Variants in MASP1 observed in about 807,000 individuals in gnomAD.
MASP1 encodes the protein mannan-binding lectin serine protease 1.
Under a neutral mutation model 77.1 loss-of-function variants are expected in MASP1, and 59 were observed. That is an observed-to-expected ratio of 0.77 (90% CI 0.62 to 0.95). The LOEUF (loss-of-function observed/expected upper bound fraction) is 0.95, where lower values mean the gene tolerates loss of function less well. Ranked by LOEUF, MASP1 falls within the 40% of genes least tolerant of loss-of-function variation. The probability of loss-of-function intolerance (pLI) is 0.00; values close to 1 mark genes in which losing one functional copy is unlikely to be tolerated. For missense variants in MASP1, 885 were observed against 912.9 expected (o/e 0.97, Z 0.39); for synonymous variants, 362 against 354.5 (o/e 1.02, Z -0.24).
chr3:187,285,129 AAAG>A (rs557814246), intron 2 of MASP1, among the ~76,000 whole-genome samples: 88 of 145,644 alleles, frequency 6.0e-4, no homozygotes, highest in South Asian at 3.2e-3. Context: ...CCTCACTTTA[AAAG>A]AAGAACAGCT....
In MASP1 at chr3:187,235,210, G is replaced by T. The variant is rs1338665742; in HGVS notation, c.*474C>A. The T allele has an allele frequency of 1.1e-5, 14 of 1,288,504 alleles. No individual in the cohort carries two copies. Among genetic ancestry groups the T allele is most frequent in the Non-Finnish European group, 1.3e-5 (13 of 989,698 alleles). 79.8% of individuals were successfully genotyped at this position (1,288,504 alleles called of 1,614,324 possible). ...CTCCTAGAGGAAGGATTAGGCCAAG[G>T]CTAGTCCCAGAAGGCAGAGCAGGAA... On this transcript the variant is annotated 3_prime_UTR_variant, in exon 11 of 11. Coordinates refer to ENST00000296280, the MANE Select transcript of MASP1 (RefSeq NM_139125.4).
intron 14 of MASP1, among the ~76,000 whole-genome samples, chr3:187,222,056 T>C (rs1391960696): frequency 1.3e-5 from 2 of 152,194 alleles, no homozygotes; most frequent in Non-Finnish European, 2.9e-5. Context: ...TCTTGGGTCA[T>C]GGCCTTCCCT....
intron 5 of MASP1, among the ~76,000 whole-genome samples, chr3:187,254,343 G>T (rs1223849523): frequency 6.6e-6 from 1 of 152,130 alleles, no homozygotes; most frequent in African/African-American, 2.4e-5. Context: ...TAGCATTGGG[G>T]ATCTGAGATA....
rs769205511 is a variant in MASP1, at chr3:187,236,410, G to T, written c.1461C>A (p.Leu487=). The change falls in exon 11 of 11, where the codon CTC becomes CTA. Residue 487 remains leucine, a synonymous_variant. Transcript: ENST00000296280. ...CTGCTGTGAGGATCCAGGACGCAGA[G>T]AGCAGGGCCCCACTCCCAAACCACT... ...NDKWFGSGAL[L]SASWILTAAH... 6.2e-7 allele frequency: 1 copy of T among 1,614,122 alleles called. No homozygotes were observed. Among genetic ancestry groups the T allele is most frequent in the Non-Finnish European group, 8.5e-7 (1 of 1,180,050 alleles).
At chr3:187,255,880 C>T (rs564934721) in intron 5 of MASP1, among the ~76,000 whole-genome samples, 2 of 152,122 alleles carry the variant, frequency 1.3e-5, no homozygotes, top group Non-Finnish European at 2.9e-5. Context: ...TTTAAATCAG[C>T]ACCTCTTTAA....
rs150642618 is a variant in MASP1, at chr3:187,239,416, C to G, written c.1303+2065G>C. Among the ~76,000 whole-genome samples the G allele has an allele frequency of 2.9e-3, 439 of 152,214 alleles. 3 individuals are homozygous for G. The highest frequency in any genetic ancestry group is 9.9e-3 in the African/African-American group (412 of 41,532). On this transcript the variant is annotated intron_variant, in intron 10 of 10. Transcript: ENST00000296280. ...ATGCTTTACTTCTGAGGTATGGGAT[C>G]CCAGACCCAGAGATATGAAAATACT...
Position 187,256,762 on chromosome 3 carries a change from T to C in MASP1, c.646A>G (p.Ile216Val), listed in dbSNP as rs1212382469. The C allele has an allele frequency of 1.2e-6, 2 of 1,613,798 alleles. No homozygotes were observed. Among genetic ancestry groups the C allele is most frequent in the Admixed American group, 1.7e-5 (1 of 59,982 alleles). Residue 216 changes from isoleucine (I) to valine (V), a missense_variant, in exon 5 of 11, where the codon ATC (isoleucine) becomes GTC (valine). Coordinates refer to ENST00000296280, the MANE Select transcript of MASP1 (RefSeq NM_139125.4). ...ACCATGAAACCCTCCTCCAGCTCGA[T>C]GGTATACAGGCATTCAGAGCTCTTG... is the stretch of plus-strand genomic sequence containing the variant. ...YPKSSECLYT[I>V]ELEEGFMVNL...
chr3:187,238,713 T>C (rs926138293), intron 10 of MASP1, among the ~76,000 whole-genome samples: 30 of 152,208 alleles, frequency 2.0e-4, no homozygotes, highest in Non-Finnish European at 1.5e-4. Context: ...AAGTATTGAG[T>C]TCACCTTTCA....
chr3:187,256,136 C>T (rs778778456), intron 5 of MASP1, among the ~76,000 whole-genome samples: 18 of 152,038 alleles, frequency 1.2e-4, no homozygotes, highest in Admixed American at 4.6e-4. Context: ...GTATTTGTTC[C>T]GTCTTTATTT....
At chr3:187,229,434 A>G (rs1182596796), downstream of MASP1, among the ~76,000 whole-genome samples, 6 of 152,116 alleles carry the variant, frequency 3.9e-5, no homozygotes, top group African/African-American at 1.4e-4. Flanking sequence ...AAAAATTCCT[A>G]AGCATAGCAT....
downstream of MASP1, among the ~76,000 whole-genome samples, chr3:187,233,767 C>G (rs1417030330): frequency 6.6e-6 from 1 of 152,216 alleles, no homozygotes; most frequent in Non-Finnish European, 1.5e-5. Context: ...TCCAATGTCA[C>G]ATTGGGACTA....
Position 187,234,376 on chromosome 3 carries a change from G to A in MASP1, c.*1308C>T. 7.8e-7 allele frequency: 1 copy of A among 1,287,266 alleles called. No homozygotes were observed. The highest frequency in any genetic ancestry group is 1.2e-5 in the South Asian group (1 of 80,928). 79.7% of individuals were successfully genotyped at this position (1,287,266 alleles called of 1,614,324 possible). On this transcript the variant is annotated 3_prime_UTR_variant, in exon 11 of 11. Coordinates refer to ENST00000296280, the MANE Select transcript of MASP1 (RefSeq NM_139125.4). ...CAGCCCTGTGAGGGCCAGAGAGGCTGCTAGCAGTCAGGGAAGCTCTGAGTG... is the reference window on the plus strand; with the variant it reads ...CAGCCCTGTGAGGGCCAGAGAGGCTACTAGCAGTCAGGGAAGCTCTGAGTG...
Position 187,235,863 on chromosome 3 carries a change from T to C in MASP1, c.2008A>G (p.Ile670Val). The change falls in exon 11 of 11, where the codon ATC (isoleucine) becomes GTC (valine). Residue 670 changes from isoleucine to valine, a missense_variant. By Grantham distance (29) the Ile-to-Val change is conservative. Coordinates refer to ENST00000296280, the MANE Select transcript of MASP1 (RefSeq NM_139125.4). ...CAGCGCTGGCTCAAGTCATCAAAGATGACAAAGGCCCCACCGCTATCTCCA... is the reference window on the plus strand; with the variant it reads ...CAGCGCTGGCTCAAGTCATCAAAGACGACAAAGGCCCCACCGCTATCTCCA... Reference protein sequence around the residue: ...CLGDSGGAFVIFDDLSQRWVV... With the variant: ...CLGDSGGAFVVFDDLSQRWVV... The C allele has an allele frequency of 6.2e-7, 1 of 1,614,204 alleles. No homozygotes were observed. The highest frequency in any genetic ancestry group is 8.5e-7 in the Non-Finnish European group (1 of 1,180,040).
intron 14 of MASP1, among the ~76,000 whole-genome samples, chr3:187,222,895 C>T (rs986765665): frequency 3.3e-5 from 5 of 152,090 alleles, no homozygotes; most frequent in African/African-American, 1.2e-4. Flanking sequence ...TAATAAGCTA[C>T]CAGAAAAACT....
rs549418462 is a variant in MASP1 at position 187,234,854 on chromosome 3, C to T, written c.*830G>A. On this transcript the variant is annotated 3_prime_UTR_variant, in exon 11 of 11. Coordinates refer to ENST00000296280, the MANE Select transcript of MASP1 (RefSeq NM_139125.4). ...AATACATTTCAAGGCTGAAAGATTG[C>T]TTTGTGCTTGTCTGGAGCAGCAGGT... is the stretch of plus-strand genomic sequence containing the variant. 3.4e-4 allele frequency: 437 copies of T among 1,287,148 alleles called. No homozygotes were observed. The highest frequency in any genetic ancestry group is 4.0e-4 in the Non-Finnish European group (391 of 988,714). 79.7% of individuals were successfully genotyped at this position (1,287,148 alleles called of 1,614,324 possible). A position where few individuals can be genotyped will look rare whatever the true frequency, so the allele number is the denominator to read the frequency against.
intron 1 of MASP1, among the ~76,000 whole-genome samples, chr3:187,289,009 G>A (rs1228233938): frequency 6.6e-6 from 1 of 152,158 alleles, no homozygotes; most frequent in African/African-American, 2.4e-5. Context: ...GAATATAAGT[G>A]GCAGCTTTCA....
intron 9 of MASP1, chr3:187,242,910 G>C (rs1257866728): frequency 5.6e-6 from 1 of 178,350 alleles, no homozygotes; most frequent in Non-Finnish European, 1.2e-5. Flanking sequence ...GGGCTACCTG[G>C]GGAGACAGAG....
At chr3:187,253,122 G>T in intron 6 of MASP1, 46 bp downstream of exon 6, 1 of 1,611,254 alleles carries the variant, frequency 6.2e-7, no homozygotes, top group South Asian at 1.1e-5. Context: ...GCCTCTGCAA[G>T]GGCTAAGCAC....
chr3:187,223,256 A>G, intron 13 of MASP1: 1 of 1,277,744 alleles, frequency 7.8e-7, no homozygotes, highest in Admixed American at 1.7e-5. Context: ...GGAGGGGTGC[A>G]GCTTGCAGCT....
Sources: gnomAD v4.1 joint callset for allele counts (sites outside exome capture counted in the v4.1 genomes callset) on GRCh38, gnomAD v4.1.1 for gene constraint, MANE v1.5 for transcripts, NCBI Gene and HGNC (gene_info 2026-07-23, HGNC 2026-07-21) for gene names.